Variants in MAN1C1 observed in about 807,000 individuals in gnomAD.
MAN1C1 encodes mannosidase alpha class 1C member 1, also known as mannosyl-oligosaccharide 1,2-alpha-mannosidase IC.
Under a neutral mutation model 71.5 loss-of-function variants are expected in MAN1C1, and 49 were observed. That is an observed-to-expected ratio of 0.69 (90% CI 0.54 to 0.87). The LOEUF (loss-of-function observed/expected upper bound fraction) is 0.87, where lower values mean the gene tolerates loss of function less well. MAN1C1 is among the 40% of genes least tolerant of loss of function. MAN1C1 has a pLI of 0.00. For synonymous variants in MAN1C1, 352 were observed against 343.7 expected, an observed-to-expected ratio of 1.02 and a Z score of -0.27; for missense variants, 743 against 835.0, an observed-to-expected ratio of 0.89 and a Z score of 1.36.
At position 25,776,405 on chromosome 1, in the gene MAN1C1, G is replaced by T. The variant is rs2047619925; in HGVS notation, c.1258-1700G>T. Among the ~76,000 whole-genome samples, 1 of 152,086 alleles carries T rather than the reference G, an allele frequency of 6.6e-6. No homozygotes were observed. Among genetic ancestry groups the T allele is most frequent in the Admixed American group, 6.5e-5 (1 of 15,278 alleles). On this transcript the variant is annotated intron_variant, in intron 8 of 11. Transcript: ENST00000374332. The surrounding 1 kb of genome is among the most constrained non-coding windows in gnomAD (Gnocchi z 4.3). ...ATCTCTACTAAAAATACAAAAATTA[G>T]CCGGGGGTGGTGGCACACGCCTATA... is the stretch of plus-strand genomic sequence containing the variant.
At chr1:25,623,262 C>A (rs1019065105) in intron 1 of MAN1C1, among the ~76,000 whole-genome samples, 1 of 152,202 alleles carries the variant, frequency 6.6e-6, no homozygotes, top group Non-Finnish European at 1.5e-5. Flanking sequence ...AGGTATACAA[C>A]TTAACTCCCA....
chr1:25,715,343 C>G (rs368671493), intron 2 of MAN1C1, among the ~76,000 whole-genome samples: 1 of 152,038 alleles, frequency 6.6e-6, no homozygotes, highest in Non-Finnish European at 1.5e-5. Flanking sequence ...CTACCTCAAG[C>G]AGAACATGGA....
At position 25,775,465 on chromosome 1, in the gene MAN1C1, G is replaced by C. The variant is rs2047607175; in HGVS notation, c.1258-2640G>C. On this transcript the variant is annotated intron_variant, in intron 8 of 11. Transcript: ENST00000374332. This position sits in a 1 kb window ranked among gnomAD's most constrained non-coding sequence, Gnocchi z 5.1. ...AAAAAACAGACCCAGGAGTGAGCGA[G>C]TGTTCCTTGAGCATCTTCTGTGTGT... Among the ~76,000 whole-genome samples the C allele has an allele frequency of 6.6e-6, 1 of 152,252 alleles. No individual in the cohort carries two copies.
intron 7 of MAN1C1, among the ~76,000 whole-genome samples, chr1:25,766,539 A>C (rs2047429675): frequency 6.6e-6 from 1 of 152,118 alleles, no homozygotes; most frequent in African/African-American, 2.4e-5. Context: ...AGGAGTTAGG[A>C]CTGCATCTCA....
rs1229549068 is a variant in MAN1C1, at chr1:25,778,336, A to G, written c.1477+12A>G. ...ATACGCCCGCTCAGGTAACCCTGCA[A>G]GGGGAAGGGGCAGCAGGAGAGACTG... On this transcript the variant is annotated intron_variant, in intron 9 of 11. Transcript: ENST00000374332. This position sits in a 1 kb window ranked among gnomAD's most constrained non-coding sequence, Gnocchi z 5.5. The G allele has an allele frequency of 1.3e-6, 2 of 1,599,532 alleles. No homozygotes were observed. Among genetic ancestry groups the G allele is most frequent in the South Asian group, 1.1e-5 (1 of 90,004 alleles).
At position 25,708,420 on chromosome 1, in the gene MAN1C1, G is replaced by GT. The variant is rs568648357; in HGVS notation, c.637+21889dup. Among the ~76,000 whole-genome samples, 209 of 152,274 alleles carry GT rather than the reference G, an allele frequency of 1.4e-3. 1 individual carries two copies. The highest frequency in any genetic ancestry group is 4.5e-3 in the African/African-American group (186 of 41,550). On this transcript the variant is annotated intron_variant, in intron 2 of 11. Coordinates refer to ENST00000374332, the MANE Select transcript of MAN1C1 (RefSeq NM_020379.4). ...GGAGGTCACTTTCATCACCATCTTGGTTTTTGTGGGCTTTGGCCAGCTTCT... is the reference window on the plus strand; with the variant it reads ...GGAGGTCACTTTCATCACCATCTTGGTTTTTTGTGGGCTTTGGCCAGCTTCT...
chr1:25,618,267 T>G lies in MAN1C1; in HGVS notation c.470T>G (p.Leu157Arg), dbSNP rs1176689799. ...AFRSRLRHPV[L>R]GTRADESQEP... ...CGGAGCCGTCTCCGCCACCCGGTCC[T>G]GGGAACGAGGGCCGATGAGAGTCAG... The change falls in exon 1 of 12, where the codon CTG becomes CGG. Residue 157 changes from leucine to arginine, a missense_variant. Transcript: ENST00000374332. 9 of 1,604,296 alleles carry G rather than the reference T, an allele frequency of 5.6e-6. No individual in the cohort carries two copies. The highest frequency in any genetic ancestry group is 7.6e-6 in the Non-Finnish European group (9 of 1,177,142).
rs2047728307 is a variant in MAN1C1 at position 25,783,670 on chromosome 1, TATC to T, written c.1775_1777del (p.Tyr592_Leu593delinsPhe). On this transcript the variant is annotated inframe_deletion, in exon 12 of 12. Coordinates refer to ENST00000374332, the MANE Select transcript of MAN1C1 (RefSeq NM_020379.4). ...GCCCTGCGTGGGGCACAGGTATCTC[TATC>T]TTCTGTTCTCTGAAGATGACTTGCT... is the stretch of plus-strand genomic sequence containing the variant. 2.5e-6 allele frequency: 4 copies of T among 1,612,244 alleles called. No individual in the cohort carries two copies. Among genetic ancestry groups the T allele is most frequent in the Non-Finnish European group, 3.4e-6 (4 of 1,179,704 alleles).
intron 2 of MAN1C1, among the ~76,000 whole-genome samples, chr1:25,737,105 C>T (rs114391541): frequency 1.8e-4 from 28 of 152,352 alleles, no homozygotes; most frequent in African/African-American, 6.0e-4. Context: ...CTCTACAGCA[C>T]GGTCAGAGGG....
chr1:25,653,152 G>A (rs574435633), intron 1 of MAN1C1, among the ~76,000 whole-genome samples: 10 of 151,192 alleles, frequency 6.6e-5, no homozygotes, highest in East Asian at 2.0e-4. Flanking sequence ...ATCTAAGCTC[G>A]CTGCGGTCTT....
At position 25,631,344 on chromosome 1, in the gene MAN1C1, CT is replaced by C. The variant is rs1308876675; in HGVS notation, c.540+13011del. Among the ~76,000 whole-genome samples, 4 of 152,148 alleles carry C rather than the reference CT, an allele frequency of 2.6e-5. No individual in the cohort carries two copies. The highest frequency in any genetic ancestry group is 9.7e-5 in the African/African-American group (4 of 41,448). Reference sequence around the variant, plus strand: ...AGTTCTTAGAAGGGAATGCCTTAAACTTTTCCCCATTCGGTATGATGTTGGT... The same window carrying C: ...AGTTCTTAGAAGGGAATGCCTTAAACTTTCCCCATTCGGTATGATGTTGGT... On this transcript the variant is annotated intron_variant, in intron 1 of 11. Coordinates refer to ENST00000374332, the MANE Select transcript of MAN1C1 (RefSeq NM_020379.4). This position sits in a 1 kb window ranked among gnomAD's most constrained non-coding sequence, Gnocchi z 4.2.
chr1:25,782,934 C>T lies in MAN1C1; in HGVS notation c.1766+234C>T, dbSNP rs150206122. Among the ~76,000 whole-genome samples, 240 of 152,282 alleles carry T rather than the reference C, an allele frequency of 1.6e-3. No homozygotes were observed. Among genetic ancestry groups the T allele is most frequent in the African/African-American group, 5.4e-3 (224 of 41,554 alleles). Reference sequence around the variant, plus strand: ...TCCCTAGGGACGCACCGTGTGATACCGCAGGTTCCTTCAGTTTCTCGCTTA... The same window carrying T: ...TCCCTAGGGACGCACCGTGTGATACTGCAGGTTCCTTCAGTTTCTCGCTTA... On this transcript the variant is annotated intron_variant, in intron 11 of 11. Transcript: ENST00000374332. This position sits in a 1 kb window ranked among gnomAD's most constrained non-coding sequence, Gnocchi z 4.4.
In MAN1C1 at chr1:25,753,542, C is replaced by T; in HGVS notation, c.893C>T (p.Pro298Leu). ...GEKLLPAFNT[P>L]TGIPKGVVSF... ...AAGCTCCTGCCGGCGTTCAACACCC[C>T]CACGGGAATCCCAAAGGGCGTGGTG... The change falls in exon 5 of 12, where the codon CCC becomes CTC. Residue 298 changes from proline to leucine, a missense_variant. Transcript: ENST00000374332. This position sits in a 1 kb window ranked among gnomAD's most constrained non-coding sequence, Gnocchi z 4.9. 6.2e-7 allele frequency: 1 copy of T among 1,613,842 alleles called. No homozygotes were observed. The highest frequency in any genetic ancestry group is 8.5e-7 in the Non-Finnish European group (1 of 1,179,900).
intron 2 of MAN1C1, among the ~76,000 whole-genome samples, chr1:25,736,676 G>T (rs72875673): frequency 1.3e-5 from 2 of 152,120 alleles, no homozygotes; most frequent in African/African-American, 4.8e-5. Context: ...ACAGGCACAT[G>T]CCCCTATGTC....
Position 25,746,751 on chromosome 1 carries a change from G to T in MAN1C1, c.721G>T (p.Ala241Ser), listed in dbSNP as rs75075607. The change falls in exon 3 of 12, where the codon GCC becomes TCC. Residue 241 changes from alanine (A) to serine (S), a missense_variant. Physicochemically the swap from Ala to Ser is moderately conservative, Grantham distance 99. Transcript: ENST00000374332. The surrounding 1 kb of genome is among the most constrained non-coding windows in gnomAD (Gnocchi z 4.0). ...GAAGGAGGAGTTCCAGGAGGCCAAG[G>T]CCTGGGTGGGAGAGAGCTTCCACCT... The part of the protein sequence containing the change: ...ELKEEFQEAK[A>S]WVGESFHLNV... The T allele has an allele frequency of 9.9e-5, 148 of 1,497,826 alleles. No homozygotes were observed. The highest frequency in any genetic ancestry group is 1.3e-4 in the Non-Finnish European group (145 of 1,109,694). 92.8% of individuals were successfully genotyped at this position (1,497,826 alleles called of 1,614,324 possible).
intron 1 of MAN1C1, among the ~76,000 whole-genome samples, chr1:25,680,177 C>T (rs1054497642): frequency 6.6e-6 from 1 of 151,950 alleles, no homozygotes; most frequent in Non-Finnish European, 1.5e-5. Context: ...ATTCTCCTGC[C>T]TCAGCCTCCT....
chr1:25,637,685 C>T (rs952491041), intron 1 of MAN1C1, among the ~76,000 whole-genome samples: 1 of 151,452 alleles, frequency 6.6e-6, no homozygotes, highest in Non-Finnish European at 1.5e-5. Context: ...TTCCATGATT[C>T]CCTTTCATTC....
At chr1:25,678,076 C>T (rs1297187106) in intron 1 of MAN1C1, among the ~76,000 whole-genome samples, 1 of 152,018 alleles carries the variant, frequency 6.6e-6, no homozygotes, top group African/African-American at 2.4e-5. Context: ...ATAGAAATCA[C>T]TAAACTTCTA....
At chr1:25,663,388 A>C (rs985532404) in intron 1 of MAN1C1, among the ~76,000 whole-genome samples, 1 of 152,030 alleles carries the variant, frequency 6.6e-6, no homozygotes, top group Non-Finnish European at 1.5e-5. Flanking sequence ...TTCGGATAGT[A>C]CTGAACCTTA....
Sources: allele counts gnomAD v4.1 joint callset (sites outside exome capture counted in the v4.1 genomes callset), GRCh38; gene constraint gnomAD v4.1.1; non-coding constraint Gnocchi (gnomAD v3.1); transcripts MANE v1.5; gene names NCBI Gene and HGNC (gene_info 2026-07-23, HGNC 2026-07-21).